TMOD3: variants seen among roughly 807,000 people sequenced by gnomAD.
TMOD3 encodes tropomodulin-3.
In TMOD3, 20 loss-of-function variants were observed where a neutral mutation model predicts 39.2. That is an observed-to-expected ratio of 0.51 (90% CI 0.36 to 0.74). TMOD3 has a LOEUF of 0.74. Ranked by LOEUF, TMOD3 falls within the 30% of genes least tolerant of loss-of-function variation. The pLI is 0.00. For synonymous variants in TMOD3, 143 were observed against 145.8 expected (o/e 0.98, Z 0.14); for missense variants, 381 against 412.8 (o/e 0.92, Z 0.67).
chr15:51,859,099 A>G (rs1371268015), intron 1 of TMOD3: 3 of 541,834 alleles, frequency 5.5e-6, no homozygotes, highest in Middle Eastern at 5.5e-4. Context: ...CCATCGATGA[A>G]CAAATTACAA....
At chr15:51,861,047 C>A in intron 1 of TMOD3, 1 of 715,780 alleles carries the variant, frequency 1.4e-6, no homozygotes, top group South Asian at 1.4e-5. Context: ...AATTCTCAAT[C>A]TCATCCTTCT....
At chr15:51,832,692 A>G (rs748179994) in intron 1 of TMOD3, among the ~76,000 whole-genome samples, 13 of 152,120 alleles carry the variant, frequency 8.5e-5, no homozygotes, top group East Asian at 1.9e-4. Flanking sequence ...GAGAAAATCA[A>G]TTATATCTGA....
At chr15:51,881,104 T>C (rs534522349) in intron 3 of TMOD3, among the ~76,000 whole-genome samples, 1 of 152,310 alleles carries the variant, frequency 6.6e-6, no homozygotes, top group Admixed American at 6.5e-5. Flanking sequence ...CTCGTGTATA[T>C]TTGTTTGCTT....
intron 2 of TMOD3, among the ~76,000 whole-genome samples, 173 bp downstream of exon 2, chr15:51,863,183 A>G (rs901799951): frequency 7.2e-5 from 11 of 152,272 alleles, no homozygotes; most frequent in Admixed American, 2.6e-4. Flanking sequence ...CTGCCTCCAT[A>G]TGTTTAATGA....
At position 51,913,470 on chromosome 15, in the gene TMOD3, T is replaced by C. The variant is rs888482304; in HGVS notation, c.*4660T>C. ...CAAAATAATTTGAAATCTGAAACAC[T>C]TAATGGTCCCAGCATGTTGGATAAG... On this transcript the variant is annotated 3_prime_UTR_variant, in exon 10 of 10. Coordinates refer to ENST00000308580, the MANE Select transcript of TMOD3 (RefSeq NM_014547.5). 1 of 152,234 alleles carries C rather than the reference T, an allele frequency of 6.6e-6. No homozygotes were observed. Among genetic ancestry groups the C allele is most frequent in the Non-Finnish European group, 1.5e-5 (1 of 68,044 alleles). 9.4% of individuals were successfully genotyped at this position (152,234 alleles called of 1,614,324 possible). A position where few individuals can be genotyped will look rare whatever the true frequency, so the allele number is the denominator to read the frequency against.
At chr15:51,869,438 T>G in intron 3 of TMOD3, 65 bp downstream of exon 3, 1 of 1,494,378 alleles carries the variant, frequency 6.7e-7, no homozygotes. Flanking sequence ...TAGGTGGGTG[T>G]GGAGAAAATC....
In TMOD3 at chr15:51,843,495, G is replaced by A. The variant is rs1019093716; in HGVS notation, c.-75+13659G>A. Among the ~76,000 whole-genome samples the A allele has an allele frequency of 3.3e-5, 5 of 152,316 alleles. No individual in the cohort carries two copies. In the South Asian group the frequency reaches 1.0e-3, roughly 32 times the overall value. On this transcript the variant is annotated intron_variant, in intron 1 of 9. Coordinates refer to ENST00000308580, the MANE Select transcript of TMOD3 (RefSeq NM_014547.5). The stretch of plus-strand genomic sequence containing the variant: ...GTTAAAAGCAGTGTTTTAGGTGACT[G>A]TAGGCAAGATACAGATGTTAGAGCA...
chr15:51,876,278 T>G (rs997406188), intron 3 of TMOD3, among the ~76,000 whole-genome samples: 32 of 152,154 alleles, frequency 2.1e-4, no homozygotes, highest in Admixed American at 5.9e-4. Flanking sequence ...AGGTGATTCT[T>G]CTGCCTCACC....
At chr15:51,893,972 G>A (rs761461570) in intron 6 of TMOD3, 27 bp downstream of exon 6, 11 of 1,522,680 alleles carry the variant, frequency 7.2e-6, no homozygotes, top group Non-Finnish European at 9.8e-6. Context: ...GAGTGGTTTT[G>A]TATTGCTTTG....
intron 1 of TMOD3, among the ~76,000 whole-genome samples, chr15:51,849,933 CAATA>C (rs1326371921): frequency 7.0e-6 from 1 of 142,040 alleles, no homozygotes; most frequent in Admixed American, 7.0e-5. Context: ...GACTCTGTCT[CAATA>C]AAAAAAAAAA....
chr15:51,871,501 A>G (rs1399970911), intron 3 of TMOD3, among the ~76,000 whole-genome samples: 1 of 152,090 alleles, frequency 6.6e-6, no homozygotes, highest in African/African-American at 2.4e-5. Flanking sequence ...GAGATGTCAG[A>G]AAAAAACTAT....
intron 1 of TMOD3, chr15:51,859,275 T>G: frequency 1.4e-6 from 1 of 738,260 alleles, no homozygotes; most frequent in African/African-American, 1.7e-5. Flanking sequence ...CCAGTAGATC[T>G]GTCTGCAGTT....
chr15:51,875,820 G>T (rs1447964478), intron 3 of TMOD3, among the ~76,000 whole-genome samples: 1 of 151,856 alleles, frequency 6.6e-6, no homozygotes, highest in African/African-American at 2.4e-5. Flanking sequence ...GGGTTTCACT[G>T]TGTTAGCCAG....
At chr15:51,862,743 T>G in intron 1 of TMOD3, 68 bp from the exon 2 acceptor site, 1 of 663,704 alleles carries the variant, frequency 1.5e-6, no homozygotes, top group Non-Finnish European at 2.3e-6. Context: ...TCACTTAACC[T>G]GAGAATTAGA....
intron 5 of TMOD3, among the ~76,000 whole-genome samples, chr15:51,890,121 G>A (rs2056584835): frequency 2.0e-5 from 3 of 149,886 alleles, no homozygotes; most frequent in South Asian, 4.2e-4. Context: ...CGATTATACT[G>A]TAAATATTTA....
intron 1 of TMOD3, among the ~76,000 whole-genome samples, chr15:51,831,148 T>C (rs2056252982): frequency 6.6e-6 from 1 of 152,218 alleles, no homozygotes; most frequent in Admixed American, 6.5e-5. Context: ...AGTCCTATGA[T>C]AGACATGAGA....
intron 1 of TMOD3, chr15:51,859,340 A>T: frequency 1.4e-6 from 1 of 712,226 alleles, no homozygotes. Context: ...CCACCCAAAG[A>T]TCAGAATCTA....
chr15:51,868,164 G>T (rs2570254), intron 2 of TMOD3, among the ~76,000 whole-genome samples: 150,619 of 152,342 alleles, frequency 0.99, 74,462 homozygotes, highest in East Asian at 1. Flanking sequence ...TATATATGTT[G>T]TAATCATGAA....
intron 3 of TMOD3, among the ~76,000 whole-genome samples, chr15:51,885,134 A>G (rs1390414530): frequency 6.6e-6 from 1 of 152,204 alleles, no homozygotes; most frequent in African/African-American, 2.4e-5. Flanking sequence ...GTGTGAGTAC[A>G]TCTTGTTTGG....
Sources: gnomAD v4.1 joint callset for allele counts (sites outside exome capture counted in the v4.1 genomes callset) on GRCh38, gnomAD v4.1.1 for gene constraint, MANE v1.5 for transcripts, NCBI Gene and HGNC (gene_info 2026-07-23, HGNC 2026-07-21) for gene names.